Variants in CDC42SE2 observed in about 807,000 individuals in gnomAD.
CDC42SE2 encodes CDC42 small effector 2, also known as CDC42 small effector protein 2.
CDC42SE2 carries 3 observed loss-of-function variants against 11.5 expected under a neutral mutation model. The ratio of observed to expected loss-of-function variants is 0.26; its 90% confidence interval spans 0.12 to 0.67. The LOEUF (loss-of-function observed/expected upper bound fraction) is 0.67, where lower values mean the gene tolerates loss of function less well. Ranked by LOEUF, CDC42SE2 falls within the 30% of genes least tolerant of loss-of-function variation. The probability of loss-of-function intolerance (pLI) is 0.80; values close to 1 mark genes in which losing one functional copy is unlikely to be tolerated. For synonymous variants in CDC42SE2, 33 were observed against 34.8 expected (o/e 0.95, Z 0.18); for missense variants, 82 against 106.8 (o/e 0.77, Z 1.02).
chr5:131,327,013 C>T (rs1356610446), intron 2 of CDC42SE2, among the ~76,000 whole-genome samples: 2 of 152,122 alleles, frequency 1.3e-5, no homozygotes, highest in Admixed American at 6.6e-5. Context: ...ATTTTTTAAC[C>T]TGGCATAAAA....
At chr5:131,257,478 A>AT (rs766082255) in intron 2 of CDC42SE2, among the ~76,000 whole-genome samples, 5,038 of 139,264 alleles carry the variant, frequency 0.036, 210 homozygotes, top group African/African-American at 0.1. Flanking sequence ...CCACTTGCTA[A>AT]TTTTTTTTTT....
intron 2 of CDC42SE2, among the ~76,000 whole-genome samples, chr5:131,334,448 G>A (rs1435374953): frequency 1.3e-5 from 2 of 152,096 alleles, no homozygotes; most frequent in Non-Finnish European, 2.9e-5. Flanking sequence ...GTCTCTGCCC[G>A]GCTTTGGTAT....
intron 1 of CDC42SE2, among the ~76,000 whole-genome samples, chr5:131,247,527 G>A (rs985813693): frequency 6.6e-6 from 1 of 152,028 alleles, no homozygotes; most frequent in African/African-American, 2.4e-5. Flanking sequence ...GCTGAGGCAA[G>A]AGAATCACTT....
intron 2 of CDC42SE2, among the ~76,000 whole-genome samples, chr5:131,327,183 T>TA (rs1293306019): frequency 2.6e-5 from 4 of 152,188 alleles, no homozygotes; most frequent in Admixed American, 6.5e-5. Flanking sequence ...TTTTTGTTCT[T>TA]ATGATGATTG....
At chr5:131,352,835 G>T (rs1749386097) in intron 2 of CDC42SE2, among the ~76,000 whole-genome samples, 1 of 152,172 alleles carries the variant, frequency 6.6e-6, no homozygotes. Flanking sequence ...GCATCTGATG[G>T]AACTTCAGAC....
chr5:131,320,072 AAAAAAAAAAGAACATTT>A (rs1758131008), intron 2 of CDC42SE2, among the ~76,000 whole-genome samples: 1 of 149,694 alleles, frequency 6.7e-6, no homozygotes, highest in African/African-American at 2.5e-5. Flanking sequence ...AAAAAAAAAA[AAAAAAAAAAGAACATTT>A]AAAAAAGGAA....
the CDC42SE2 span, among the ~76,000 whole-genome samples, chr5:131,225,297 C>T: frequency 7.9e-5 from 12 of 152,142 alleles, 1 homozygote; most frequent in Admixed American, 5.2e-4. Flanking sequence ...TTCAAACTAA[C>T]GGGATTTCAG....
chr5:131,312,289 C>T (rs1163080733), intron 1 of CDC42SE2, among the ~76,000 whole-genome samples: 2 of 152,074 alleles, frequency 1.3e-5, no homozygotes, highest in Non-Finnish European at 2.9e-5. Flanking sequence ...CTTGAGGAGG[C>T]AGTCTGCCCG....
chr5:131,211,208 AT>A, the CDC42SE2 span, among the ~76,000 whole-genome samples: 2 of 152,096 alleles, frequency 1.3e-5, no homozygotes, highest in African/African-American at 4.8e-5. Context: ...AATTTACTTA[AT>A]TTCACAAATT....
At chr5:131,223,503 C>T in the CDC42SE2 span, among the ~76,000 whole-genome samples, 1 of 152,154 alleles carries the variant, frequency 6.6e-6, no homozygotes, top group Non-Finnish European at 1.5e-5. Context: ...AATAAAAACT[C>T]CACCCAAATT....
the CDC42SE2 span, among the ~76,000 whole-genome samples, chr5:131,237,068 G>A: frequency 6.6e-6 from 1 of 152,006 alleles, no homozygotes; most frequent in African/African-American, 2.4e-5. Context: ...ATTGTTTGTG[G>A]GAGACAGCAG....
the CDC42SE2 span, among the ~76,000 whole-genome samples, chr5:131,213,153 A>G: frequency 6.6e-6 from 1 of 152,204 alleles, no homozygotes; most frequent in Non-Finnish European, 1.5e-5. Flanking sequence ...AGCTCGTGCC[A>G]TTGCACTCCA....
chr5:131,311,284 G>T (rs530246781), intron 1 of CDC42SE2, among the ~76,000 whole-genome samples: 1 of 151,596 alleles, frequency 6.6e-6, no homozygotes, highest in South Asian at 2.1e-4. Context: ...ACTCTCTTCT[G>T]GCTTGTAGGG....
chr5:131,337,252 G>A (rs1758591417), intron 2 of CDC42SE2, among the ~76,000 whole-genome samples: 1 of 152,162 alleles, frequency 6.6e-6, no homozygotes, highest in Non-Finnish European at 1.5e-5. Flanking sequence ...CTGTTTGCCT[G>A]GGTATCACCA....
chr5:131,239,438 A>G, the CDC42SE2 span, among the ~76,000 whole-genome samples: 4 of 152,260 alleles, frequency 2.6e-5, no homozygotes, highest in Admixed American at 6.5e-5. Flanking sequence ...CCTTGTATCA[A>G]AAAAGAAAAA....
intron 1 of CDC42SE2, among the ~76,000 whole-genome samples, chr5:131,284,613 G>C (rs1561571856): frequency 1.3e-5 from 2 of 152,086 alleles, no homozygotes; most frequent in Non-Finnish European, 2.9e-5. Flanking sequence ...TAGGACTACA[G>C]GCACATGTCA....
chr5:131,390,940 G>T (rs908367019), intron 4 of CDC42SE2, 53 bp from the exon 5 acceptor site: 3 of 1,169,950 alleles, frequency 2.6e-6, no homozygotes, highest in East Asian at 5.2e-5. Context: ...TAGTTGCACC[G>T]GACCTACTTC....
intron 3 of CDC42SE2, among the ~76,000 whole-genome samples, chr5:131,370,479 T>C (rs1019925709): frequency 7.2e-5 from 11 of 151,914 alleles, no homozygotes; most frequent in African/African-American, 2.7e-4. Context: ...ACATTTATTT[T>C]ACCTTTTTTT....
intron 3 of CDC42SE2, among the ~76,000 whole-genome samples, chr5:131,366,771 C>G (rs960608732): frequency 2.0e-5 from 3 of 152,072 alleles, no homozygotes; most frequent in African/African-American, 7.2e-5. Flanking sequence ...CACCTATAAT[C>G]CCAACACTTT....
Sources: allele counts gnomAD v4.1 joint callset (sites outside exome capture counted in the v4.1 genomes callset), GRCh38; gene constraint gnomAD v4.1.1; transcripts MANE v1.5; gene names NCBI Gene and HGNC (gene_info 2026-07-23, HGNC 2026-07-21).